MTA3: variants seen among roughly 807,000 people sequenced by gnomAD.
MTA3 encodes metastasis associated 1 family member 3.
A neutral mutation model predicts 83.5 loss-of-function variants in MTA3; 34 were observed. That is an observed-to-expected ratio of 0.41 (90% confidence interval 0.31 to 0.54). The LOEUF (loss-of-function observed/expected upper bound fraction) is 0.54, where lower values mean the gene tolerates loss of function less well. Among genes scored for constraint, MTA3 ranks in the 20% least tolerant of loss-of-function variants. The pLI, the probability that MTA3 is intolerant of heterozygous loss-of-function variation, is 0.33. For synonymous variants in MTA3, 303 were observed against 252.7 expected (o/e 1.20, Z -1.89); for missense variants, 761 against 726.4 (o/e 1.05, Z -0.55).
intron 3 of MTA3, among the ~76,000 whole-genome samples, chr2:42,587,369 C>T (rs1177253208): frequency 1.3e-5 from 2 of 152,034 alleles, no homozygotes; most frequent in Admixed American, 6.6e-5. Flanking sequence ...AAAATGTATT[C>T]AGTGTAAAAA....
chr2:42,588,111 A>C (rs1202935861), intron 3 of MTA3, among the ~76,000 whole-genome samples: 1 of 152,134 alleles, frequency 6.6e-6, no homozygotes, highest in Non-Finnish European at 1.5e-5. Context: ...TTCATAGGAA[A>C]TCTTAAGCTT....
intron 6 of MTA3, among the ~76,000 whole-genome samples, chr2:42,647,050 G>T (rs537269460): frequency 6.6e-6 from 1 of 150,504 alleles, no homozygotes; most frequent in East Asian, 2.0e-4. Context: ...CAGCTACTCG[G>T]GAGGCTGAGG....
At chr2:42,649,136 T>C (rs1477107677) in intron 6 of MTA3, among the ~76,000 whole-genome samples, 5 of 152,200 alleles carry the variant, frequency 3.3e-5, no homozygotes, top group Admixed American at 6.5e-5. Flanking sequence ...GGCTCACTCC[T>C]GTAATCCCAG....
At chr2:42,686,419 G>A (rs1692369937) in intron 9 of MTA3, among the ~76,000 whole-genome samples, 1 of 152,062 alleles carries the variant, frequency 6.6e-6, no homozygotes, top group Admixed American at 6.6e-5. Context: ...GGGTGTGGTG[G>A]GTCACACCTG....
At chr2:42,550,985 G>A (rs966148995) in intron 2 of MTA3, among the ~76,000 whole-genome samples, 14 of 151,744 alleles carry the variant, frequency 9.2e-5, no homozygotes, top group Admixed American at 8.6e-4. Flanking sequence ...CAGGAGGGGA[G>A]GTTGCAGTGA....
At chr2:42,705,698 A>G (rs1666017148) in intron 12 of MTA3, among the ~76,000 whole-genome samples, 1 of 151,900 alleles carries the variant, frequency 6.6e-6, no homozygotes, top group African/African-American at 2.4e-5. Flanking sequence ...AGAGTGAAAC[A>G]TCGTCTCCCC....
At chr2:42,744,416 C>A (rs1379386822) in intron 16 of MTA3, among the ~76,000 whole-genome samples, 4 of 152,100 alleles carry the variant, frequency 2.6e-5, no homozygotes, top group African/African-American at 9.7e-5. Flanking sequence ...GACTTGAGAC[C>A]CTCTCAGCAG....
At chr2:42,669,480 A>G (rs774812105) in intron 8 of MTA3, among the ~76,000 whole-genome samples, 8 of 152,194 alleles carry the variant, frequency 5.3e-5, no homozygotes, top group Non-Finnish European at 1.0e-4. Context: ...GATTCGTATA[A>G]CTTAAAAACC....
At chr2:42,654,355 C>T (rs1234826960) in intron 6 of MTA3, among the ~76,000 whole-genome samples, 1 of 152,188 alleles carries the variant, frequency 6.6e-6, no homozygotes, top group Admixed American at 6.6e-5. Flanking sequence ...GAATGGTTGG[C>T]TTCAGAGTAT....
chr2:42,724,277 A>ACACACACACACACACACACACAC (rs1553396461), intron 16 of MTA3, among the ~76,000 whole-genome samples: 8 of 73,180 alleles, frequency 1.1e-4, no homozygotes, highest in African/African-American at 4.3e-4. Context: ...AGTCCTGAAA[A>ACACACACACACACACACACACAC]ACACACACAC....
At chr2:42,544,096 A>G (rs1325561251) in intron 2 of MTA3, among the ~76,000 whole-genome samples, 1 of 152,134 alleles carries the variant, frequency 6.6e-6, no homozygotes, top group Non-Finnish European at 1.5e-5. Flanking sequence ...ACAAACTCCT[A>G]TGACAGCAGA....
chr2:42,703,998 T>C (rs1316153620), intron 11 of MTA3, 196 bp from the exon 12 acceptor site: 1 of 545,208 alleles, frequency 1.8e-6, no homozygotes, highest in Admixed American at 3.4e-5. Flanking sequence ...CAATTCCTTT[T>C]TTCATAGACT....
intron 2 of MTA3, among the ~76,000 whole-genome samples, chr2:42,535,945 C>A (rs954230909): frequency 6.9e-6 from 1 of 144,280 alleles, no homozygotes; most frequent in Non-Finnish European, 1.5e-5. Context: ...ATAGTGAGAT[C>A]CCGTCTCTAC....
At position 42,756,516 on chromosome 2, in the gene MTA3, G is replaced by T; in HGVS notation, c.*3117G>T. ...GCACTCGGTGTCATGTCTGAGCCTG[G>T]TGTTTATGCCCCACTGCTGTCCTAA... On this transcript the variant is annotated 3_prime_UTR_variant, in exon 17 of 17. Coordinates refer to ENST00000405094, the MANE Select transcript of MTA3 (RefSeq NM_001330442.2). The T allele has an allele frequency of 1.0e-6, 1 of 985,764 alleles. No homozygotes were observed. Among genetic ancestry groups the T allele is most frequent in the Non-Finnish European group, 1.2e-6 (1 of 830,176 alleles). 61.1% of individuals were successfully genotyped at this position (985,764 alleles called of 1,614,324 possible).
intron 6 of MTA3, among the ~76,000 whole-genome samples, chr2:42,652,323 A>G (rs1449123016): frequency 1.3e-5 from 2 of 152,032 alleles, no homozygotes; most frequent in African/African-American, 2.4e-5. Context: ...TCCTGTTTGC[A>G]TTTGCGGTTT....
At chr2:42,571,294 G>A (rs1678448916) in intron 2 of MTA3, among the ~76,000 whole-genome samples, 1 of 151,376 alleles carries the variant, frequency 6.6e-6, no homozygotes, top group Admixed American at 6.6e-5. Context: ...AGCTACTCAG[G>A]AGGCTGAGGC....
In MTA3 at chr2:42,625,181, G is replaced by A. The variant is rs149796923; in HGVS notation, c.318-14992G>A. ...TGAGTAGGTGGGATTACAGGCGCCC[G>A]CCACCATGCCTGTCTAATTTTTGTA... is the stretch of plus-strand genomic sequence containing the variant. On this transcript the variant is annotated intron_variant, in intron 4 of 16. Coordinates refer to ENST00000405094, the MANE Select transcript of MTA3 (RefSeq NM_001330442.2). Among the ~76,000 whole-genome samples, 278 of 151,882 alleles carry A rather than the reference G, an allele frequency of 1.8e-3. 2 individuals are homozygous for A. The highest frequency in any genetic ancestry group is 6.4e-3 in the African/African-American group (264 of 41,422).
At chr2:42,724,277 A>ACACACACAC (rs1553396461) in intron 16 of MTA3, among the ~76,000 whole-genome samples, 1,116 of 73,132 alleles carry the variant, frequency 0.015, 36 homozygotes, top group African/African-American at 0.025. Context: ...AGTCCTGAAA[A>ACACACACAC]ACACACACAC....
rs1224269599 is a variant in MTA3 at position 42,594,996 on chromosome 2, G to A, written c.191-14462G>A. Among the ~76,000 whole-genome samples, 5 of 147,264 alleles carry A rather than the reference G, an allele frequency of 3.4e-5. No individual in the cohort carries two copies. The East Asian group carries it at 6.0e-4, about 18-fold the overall frequency. On this transcript the variant is annotated intron_variant, in intron 3 of 16. Transcript: ENST00000405094. ...TCTTGATCTCCTGACCTCATGATCTGCCTGCCTCGGCCTCCCAAAGTGCTG... is the reference window on the plus strand; with the variant it reads ...TCTTGATCTCCTGACCTCATGATCTACCTGCCTCGGCCTCCCAAAGTGCTG...
Sources: gnomAD v4.1 joint callset for allele counts (sites outside exome capture counted in the v4.1 genomes callset) on GRCh38, gnomAD v4.1.1 for gene constraint, MANE v1.5 for transcripts, NCBI Gene and HGNC (gene_info 2026-07-23, HGNC 2026-07-21) for gene names.